The following SSH2 variants were observed in gnomAD, a reference collection of about 807,000 sequenced individuals.
SSH2 encodes slingshot protein phosphatase 2.
Under a neutral mutation model 135.2 loss-of-function variants are expected in SSH2, and 37 were observed. The ratio of observed to expected loss-of-function variants is 0.27; its 90% CI spans 0.21 to 0.36. The LOEUF (loss-of-function observed/expected upper bound fraction) is 0.36, where lower values mean the gene tolerates loss of function less well. Among genes scored for constraint, SSH2 ranks in the 10% least tolerant of loss-of-function variants. SSH2 has a pLI of 1.00. For missense variants in SSH2, 1,408 were observed against 1,765.3 expected (o/e 0.80, Z 3.63); for synonymous variants, 628 against 646.2 (o/e 0.97, Z 0.43).
chr17:29,685,797 A>G (rs1181042559), intron 5 of SSH2, among the ~76,000 whole-genome samples: 1 of 151,778 alleles, frequency 6.6e-6, no homozygotes, highest in African/African-American at 2.4e-5. Context: ...TCAAAAAAAA[A>G]AAAAGCTCAG....
chr17:29,804,568 T>G (rs1282829834), intron 2 of SSH2, among the ~76,000 whole-genome samples: 2 of 152,228 alleles, frequency 1.3e-5, no homozygotes, highest in Non-Finnish European at 2.9e-5. Flanking sequence ...TTATTTAATG[T>G]GTGCAACCTA....
At chr17:29,870,208 T>C (rs755216459) in intron 1 of SSH2, among the ~76,000 whole-genome samples, 4 of 151,994 alleles carry the variant, frequency 2.6e-5, no homozygotes, top group Non-Finnish European at 4.4e-5. Flanking sequence ...AATGGAATAT[T>C]ATCTGAAATA....
At chr17:29,915,912 G>A (rs1046355162) in intron 1 of SSH2, among the ~76,000 whole-genome samples, 1 of 151,474 alleles carries the variant, frequency 6.6e-6, no homozygotes, top group Non-Finnish European at 1.5e-5. Context: ...CATGTGCCAT[G>A]TTGGTGTGCT....
At chr17:29,644,202 C>A (rs2150987908) in intron 14 of SSH2, among the ~76,000 whole-genome samples, 1 of 152,310 alleles carries the variant, frequency 6.6e-6, no homozygotes, top group South Asian at 2.1e-4. Flanking sequence ...AACAACAGGG[C>A]CCCTAGTTTT....
chr17:29,626,312 C>T lies in SSH2; in HGVS notation c.*4529G>A, dbSNP rs1033383443. 3.9e-5 allele frequency: 6 copies of T among 152,082 alleles called. No homozygotes were observed. Among genetic ancestry groups the T allele is most frequent in the East Asian group, 1.9e-4 (1 of 5,174 alleles). The allele number at this position is 152,082 out of a possible 1,614,324, so 9.4% of individuals were successfully genotyped here. ...AAAAAAAAAAAGAAAAGTAAAGGCA[C>T]CTTTAGATATGCCAAGCAAACCAAA... On this transcript the variant is annotated 3_prime_UTR_variant, in exon 16 of 16. Transcript: ENST00000540801.
chr17:29,631,735 A>G lies in SSH2; in HGVS notation c.3459T>C (p.Ser1153=), dbSNP rs781379166. The G allele has an allele frequency of 1.9e-6, 3 of 1,614,208 alleles. No individual in the cohort carries two copies. The South Asian group carries it at 3.3e-5, about 18-fold the overall frequency. Reference sequence around the variant, plus strand: ...GGGGATGCAGGTAATCCAAACTGGCAGACAGTAAATGGGTTGTATGACTGA... The same window carrying G: ...GGGGATGCAGGTAATCCAAACTGGCGGACAGTAAATGGGTTGTATGACTGA... ...PFVSHTTHLL[S]ASLDYLHPQT... is the part of the protein sequence containing the mutation. The change falls in exon 16 of 16, where the codon TCT becomes TCC. Residue 1153 remains serine (S), a synonymous_variant. Coordinates refer to ENST00000540801, the MANE Select transcript of SSH2 (RefSeq NM_001282129.2).
chr17:29,639,701 C>T (rs906713330), intron 14 of SSH2: 1 of 152,158 alleles, frequency 6.6e-6, no homozygotes, highest in Non-Finnish European at 1.5e-5. Flanking sequence ...CCAGCCACCC[C>T]TAGGAGGAGA....
intron 14 of SSH2, among the ~76,000 whole-genome samples, chr17:29,647,160 G>T (rs2150993465): frequency 6.6e-6 from 1 of 151,822 alleles, no homozygotes; most frequent in African/African-American, 2.4e-5. Flanking sequence ...TACTCGGGAG[G>T]CTGAGGCAGG....
chr17:29,740,330 T>C (rs1209555451), intron 3 of SSH2, among the ~76,000 whole-genome samples: 4 of 152,192 alleles, frequency 2.6e-5, no homozygotes, highest in African/African-American at 7.2e-5. Flanking sequence ...TAAACACACC[T>C]TCATTAAGGA....
intron 3 of SSH2, among the ~76,000 whole-genome samples, chr17:29,748,855 G>A (rs2040842171): frequency 6.6e-6 from 1 of 152,150 alleles, no homozygotes; most frequent in Admixed American, 6.5e-5. Flanking sequence ...GACGAAGACA[G>A]CAAAGATTCA....
chr17:29,738,967 T>C (rs561463480), intron 3 of SSH2, among the ~76,000 whole-genome samples: 1 of 152,202 alleles, frequency 6.6e-6, no homozygotes, highest in African/African-American at 2.4e-5. Flanking sequence ...TTTAAAACTA[T>C]AATGTGGTAT....
intron 1 of SSH2, among the ~76,000 whole-genome samples, chr17:29,909,442 A>G (rs1287983864): frequency 6.6e-6 from 1 of 152,216 alleles, no homozygotes; most frequent in Non-Finnish European, 1.5e-5. Flanking sequence ...TAAATCATCC[A>G]ATCACAGATG....
intron 3 of SSH2, among the ~76,000 whole-genome samples, chr17:29,752,666 C>T (rs564135271): frequency 4.5e-4 from 68 of 151,924 alleles, no homozygotes; most frequent in African/African-American, 1.5e-3. Context: ...AGATAAAATA[C>T]AACAGATTTG....
intron 12 of SSH2, among the ~76,000 whole-genome samples, chr17:29,652,378 G>A (rs779989901): frequency 6.0e-4 from 91 of 152,232 alleles, no homozygotes; most frequent in Non-Finnish European, 1.1e-3. Flanking sequence ...AGGGATTGTT[G>A]GGGCAGGGGT....
At chr17:29,697,893 T>TA (rs2038824480) in intron 4 of SSH2, among the ~76,000 whole-genome samples, 1 of 152,122 alleles carries the variant, frequency 6.6e-6, no homozygotes, top group Non-Finnish European at 1.5e-5. Flanking sequence ...TGTACACACA[T>TA]CTATAATACA....
At chr17:29,849,478 CAAAAAAAAAA>C (rs36026122) in intron 1 of SSH2, among the ~76,000 whole-genome samples, 1 of 48,338 alleles carries the variant, frequency 2.1e-5, no homozygotes, top group African/African-American at 6.8e-5. Context: ...GACTCCGTCT[CAAAAAAAAAA>C]AAAAAAAAAA....
chr17:29,849,889 G>T (rs1355083434), intron 1 of SSH2, among the ~76,000 whole-genome samples: 5 of 145,280 alleles, frequency 3.4e-5, no homozygotes, highest in Non-Finnish European at 7.5e-5. Context: ...TATTAGCCGG[G>T]CATGGCAGTG....
chr17:29,860,040 G>A (rs933835881), intron 1 of SSH2, among the ~76,000 whole-genome samples: 9 of 151,990 alleles, frequency 5.9e-5, no homozygotes, highest in African/African-American at 2.2e-4. Context: ...TAGAGATAGG[G>A]TTTCACCATG....
At chr17:29,775,116 T>A (rs1478691452) in intron 3 of SSH2, among the ~76,000 whole-genome samples, 1 of 152,186 alleles carries the variant, frequency 6.6e-6, no homozygotes, top group Non-Finnish European at 1.5e-5. Context: ...TTCCCTAGTT[T>A]CAATTTATAC....
Sources: gnomAD v4.1 joint callset for allele counts (sites outside exome capture counted in the v4.1 genomes callset) on GRCh38, gnomAD v4.1.1 for gene constraint, MANE v1.5 for transcripts, NCBI Gene and HGNC (gene_info 2026-07-23, HGNC 2026-07-21) for gene names.